Variants in MARCHF1 observed in about 807,000 individuals in gnomAD.
MARCHF1 encodes membrane associated ring-CH-type finger 1, also known as E3 ubiquitin-protein ligase MARCHF1.
A neutral mutation model predicts 54.2 loss-of-function variants in MARCHF1; 40 were observed. The observed-to-expected ratio is 0.74, with a 90% confidence interval of 0.57 to 0.96. The LOEUF (loss-of-function observed/expected upper bound fraction) is 0.96, where lower values mean the gene tolerates loss of function less well. MARCHF1 is among the 40% of genes least tolerant of loss of function. MARCHF1 has a pLI of 0.00. For missense variants in MARCHF1, 586 were observed against 656.5 expected (o/e 0.89, Z 1.17); for synonymous variants, 236 against 236.3 (o/e 1.00, Z 0.01).
intron 4 of MARCHF1, among the ~76,000 whole-genome samples, chr4:163,822,997 G>A (rs1494292): frequency 0.91 from 138,514 of 151,896 alleles, 63,422 homozygotes; most frequent in South Asian, 0.98. Context: ...CACGCTGTTA[G>A]ATCCATTATG....
At chr4:163,765,819 TATATAG>T (rs66528639) in intron 4 of MARCHF1, among the ~76,000 whole-genome samples, 67,440 of 145,482 alleles carry the variant, frequency 0.46, 15,670 homozygotes, top group Admixed American at 0.49. Flanking sequence ...TATACCGGAT[TATATAG>T]ATATAGATAT....
At chr4:164,186,138 C>A (rs928792991) in intron 1 of MARCHF1, among the ~76,000 whole-genome samples, 1 of 152,166 alleles carries the variant, frequency 6.6e-6, no homozygotes, top group Non-Finnish European at 1.5e-5. Context: ...GATGATCTGC[C>A]CGCCTCAGCC....
chr4:164,171,747 CAT>C (rs1730531485), intron 1 of MARCHF1, among the ~76,000 whole-genome samples: 1 of 152,116 alleles, frequency 6.6e-6, no homozygotes, highest in Non-Finnish European at 1.5e-5. Flanking sequence ...CCAAATGCCT[CAT>C]CTCATTGGAA....
intron 3 of MARCHF1, among the ~76,000 whole-genome samples, chr4:163,900,439 A>G (rs1449413232): frequency 6.6e-6 from 1 of 152,118 alleles, no homozygotes; most frequent in African/African-American, 2.4e-5. Context: ...GAAAATGCAA[A>G]ATCCTTATAT....
intron 3 of MARCHF1, among the ~76,000 whole-genome samples, chr4:163,975,564 T>G (rs1294472490): frequency 1.3e-5 from 2 of 152,190 alleles, no homozygotes; most frequent in African/African-American, 4.8e-5. Flanking sequence ...AGTCAAATAT[T>G]AAATCACAGT....
At chr4:163,902,885 TATATAGCTCC>T (rs1750971873) in intron 3 of MARCHF1, among the ~76,000 whole-genome samples, 1 of 152,172 alleles carries the variant, frequency 6.6e-6, no homozygotes, top group Non-Finnish European at 1.5e-5. Context: ...TCACTCCTGT[TATATAGCTCC>T]ATAGACCATT....
At chr4:164,325,395 A>G (rs972421344) in intron 1 of MARCHF1, among the ~76,000 whole-genome samples, 2 of 150,612 alleles carry the variant, frequency 1.3e-5, no homozygotes, top group East Asian at 2.0e-4. Flanking sequence ...TGATAGTCCA[A>G]TACAGCTTTT....
chr4:164,319,999 G>C (rs529252923), intron 1 of MARCHF1, among the ~76,000 whole-genome samples: 6 of 152,064 alleles, frequency 3.9e-5, no homozygotes, highest in Non-Finnish European at 8.8e-5. Context: ...TACTGTAAGA[G>C]GGATAATATA....
chr4:164,170,151 C>T (rs571750118), intron 1 of MARCHF1, among the ~76,000 whole-genome samples: 9 of 152,146 alleles, frequency 5.9e-5, no homozygotes, highest in African/African-American at 2.2e-4. Flanking sequence ...TATGAGCCAG[C>T]TCTTAGAATT....
intron 2 of MARCHF1, among the ~76,000 whole-genome samples, chr4:164,095,576 A>C (rs1389101608): frequency 6.6e-6 from 1 of 152,138 alleles, no homozygotes; most frequent in Non-Finnish European, 1.5e-5. Context: ...TTTTGATACT[A>C]TAACATAATA....
At chr4:163,654,510 T>G (rs1743072200) in intron 5 of MARCHF1, among the ~76,000 whole-genome samples, 1 of 151,626 alleles carries the variant, frequency 6.6e-6, no homozygotes, top group Non-Finnish European at 1.5e-5. Context: ...TTTTGATAAC[T>G]TTTACTCTAT....
chr4:163,817,636 T>C (rs573519888), intron 4 of MARCHF1, among the ~76,000 whole-genome samples: 19 of 152,208 alleles, frequency 1.2e-4, no homozygotes, highest in Non-Finnish European at 2.2e-4. Flanking sequence ...AGTACCCAAA[T>C]TGAATGTATG....
At chr4:164,363,926 T>G (rs115369026) in intron 1 of MARCHF1, among the ~76,000 whole-genome samples, 1 of 152,050 alleles carries the variant, frequency 6.6e-6, no homozygotes, top group African/African-American at 2.4e-5. Flanking sequence ...TACAAAAGAA[T>G]GCTTTCCTTT....
intron 1 of MARCHF1, among the ~76,000 whole-genome samples, chr4:164,258,091 T>C (rs1043258416): frequency 3.9e-5 from 6 of 152,140 alleles, no homozygotes; most frequent in Admixed American, 6.5e-5. Flanking sequence ...GATGAGTTCA[T>C]GTCCTTTGCA....
At chr4:163,908,732 A>G (rs1413080097) in intron 3 of MARCHF1, among the ~76,000 whole-genome samples, 1 of 152,122 alleles carries the variant, frequency 6.6e-6, no homozygotes, top group Non-Finnish European at 1.5e-5. Context: ...TGGCCCCAGG[A>G]GTCTTGGCTA....
intron 1 of MARCHF1, among the ~76,000 whole-genome samples, chr4:164,141,474 G>C (rs989661256): frequency 3.3e-5 from 5 of 152,142 alleles, no homozygotes; most frequent in Non-Finnish European, 2.9e-5. Flanking sequence ...TAACAAGTCT[G>C]TGCCATACCA....
intron 4 of MARCHF1, among the ~76,000 whole-genome samples, chr4:163,781,859 CG>C (rs760176792): frequency 3.9e-5 from 6 of 152,102 alleles, no homozygotes; most frequent in Non-Finnish European, 8.8e-5. Flanking sequence ...TTGGGTTGAA[CG>C]TAAGTCAGAG....
chr4:163,714,648 C>T (rs762732479), intron 4 of MARCHF1, among the ~76,000 whole-genome samples: 13 of 152,174 alleles, frequency 8.5e-5, no homozygotes, highest in Middle Eastern at 3.4e-3. Flanking sequence ...GGGAAGTATA[C>T]GACAATTAAC....
intron 4 of MARCHF1, among the ~76,000 whole-genome samples, chr4:163,798,343 TTTG>T (rs1395971779): frequency 1.3e-5 from 2 of 152,158 alleles, no homozygotes; most frequent in Non-Finnish European, 2.9e-5. Flanking sequence ...GATTTTAGAT[TTTG>T]TAGTCTTTAG....
Sources: allele counts gnomAD v4.1 joint callset (sites outside exome capture counted in the v4.1 genomes callset), GRCh38; gene constraint gnomAD v4.1.1; transcripts MANE v1.5; gene names NCBI Gene and HGNC (gene_info 2026-07-23, HGNC 2026-07-21).